The following NUP160 variants were observed in gnomAD, a reference collection of about 807,000 sequenced individuals.
The protein encoded by NUP160 is nucleoporin 160.
NUP160 carries 94 observed loss-of-function variants against 196.9 expected under a neutral mutation model. The observed-to-expected ratio is 0.48, with a 90% CI of 0.40 to 0.57. NUP160 has a LOEUF of 0.57. Among genes scored for constraint, NUP160 ranks in the 20% least tolerant of loss-of-function variants. NUP160 has a pLI of 0.00. For synonymous variants in NUP160, 605 were observed against 619.7 expected (o/e 0.98, Z 0.35); for missense variants, 1,638 against 1,748.3 (o/e 0.94, Z 1.13).
At chr11:47,799,873 T>C (rs1453241561) in intron 23 of NUP160, among the ~76,000 whole-genome samples, 1 of 152,196 alleles carries the variant, frequency 6.6e-6, no homozygotes, top group African/African-American at 2.4e-5. Context: ...TCTTATCTTC[T>C]AGTGACATCA....
intron 13 of NUP160, 94 bp from the exon 14 acceptor site, chr11:47,813,509 AG>A: frequency 1.3e-6 from 1 of 744,660 alleles, no homozygotes; most frequent in South Asian, 1.6e-5. Context: ...GGCAAACCCA[AG>A]TTGCAATACA....
chr11:47,835,381 T>C (rs552870757), intron 7 of NUP160, among the ~76,000 whole-genome samples: 1 of 152,334 alleles, frequency 6.6e-6, no homozygotes, highest in South Asian at 2.1e-4. Context: ...TTTCAGGAAT[T>C]CTGTTTTTTC....
intron 7 of NUP160, among the ~76,000 whole-genome samples, chr11:47,834,853 C>A (rs1852144091): frequency 1.3e-5 from 2 of 152,122 alleles, no homozygotes; most frequent in African/African-American, 4.8e-5. Flanking sequence ...ATGGCTTCCA[C>A]ATGGACAGAA....
At chr11:47,793,722 G>GTTTTTTTT (rs750497969) in intron 27 of NUP160, among the ~76,000 whole-genome samples, 3 of 87,688 alleles carry the variant, frequency 3.4e-5, no homozygotes, top group South Asian at 7.9e-4. Flanking sequence ...TAAGATATCT[G>GTTTTTTTT]TTTTTTTTTT....
At chr11:47,825,125 C>T (rs371485128) in intron 7 of NUP160, among the ~76,000 whole-genome samples, 3 of 151,886 alleles carry the variant, frequency 2.0e-5, no homozygotes, top group East Asian at 1.9e-4. Flanking sequence ...ATGAGCCAAC[C>T]GCGCCCAGCC....
chr11:47,788,064 C>T, intron 31 of NUP160, 118 bp downstream of exon 31: 2 of 906,588 alleles, frequency 2.2e-6, no homozygotes, highest in Non-Finnish European at 1.7e-6. Context: ...AAACAAAACA[C>T]TTCTTCAAAT....
At chr11:47,824,170 T>A (rs1366886046) in intron 7 of NUP160, among the ~76,000 whole-genome samples, 5 of 151,328 alleles carry the variant, frequency 3.3e-5, no homozygotes, top group African/African-American at 1.2e-4. Context: ...CCACTAGCAA[T>A]GTACAAGAGT....
At position 47,847,845 on chromosome 11, in the gene NUP160, T is replaced by TA. The variant is rs763997058; in HGVS notation, c.314+2dup. ...GGGGAGTTTGGCGAACCACAACACT[T>TA]ACCAATGAATGAACCTGTTTCTGGT... On this transcript the variant is annotated splice_region_variant and intron_variant, in intron 2 of 35. Transcript: ENST00000378460. 2.5e-6 allele frequency: 4 copies of TA among 1,605,206 alleles called. No individual in the cohort carries two copies. Among genetic ancestry groups the TA allele is most frequent in the South Asian group, 1.1e-5 (1 of 90,906 alleles).
exon 7 of NUP160, chr11:47,835,791 C>A: frequency 6.3e-7 from 1 of 1,590,520 alleles, no homozygotes; most frequent in South Asian, 1.2e-5. Context: ...ATGTCAGCTA[C>A]CATTAGGCAC....
At chr11:47,779,293 A>G (rs776535594) in intron 35 of NUP160, 99 bp from the exon 36 acceptor site, 1 of 723,448 alleles carries the variant, frequency 1.4e-6, no homozygotes. Flanking sequence ...ATTCCACCTT[A>G]TAAAGATGTT....
intron 11 of NUP160, among the ~76,000 whole-genome samples, chr11:47,816,355 T>C (rs1486317208): frequency 2.0e-5 from 3 of 152,162 alleles, no homozygotes; most frequent in Non-Finnish European, 4.4e-5. Flanking sequence ...TGAATAACTA[T>C]CACAAAAGCC....
At chr11:47,824,045 A>ATGTATATATATATATATATATATG (rs1555005035) in intron 7 of NUP160, among the ~76,000 whole-genome samples, 4 of 98,342 alleles carry the variant, frequency 4.1e-5, no homozygotes, top group Admixed American at 1.1e-4. Context: ...ATATATATAT[A>ATGTATATATATATATATATATATG]TATATATACA....
chr11:47,846,982 T>A (rs1191410969), intron 2 of NUP160, among the ~76,000 whole-genome samples: 1 of 152,180 alleles, frequency 6.6e-6, no homozygotes, highest in Non-Finnish European at 1.5e-5. Context: ...TAGTAACTCT[T>A]TAAAAATCTT....
intron 34 of NUP160, among the ~76,000 whole-genome samples, chr11:47,782,289 TAAAA>T (rs1164772188): frequency 3.8e-4 from 12 of 31,874 alleles, no homozygotes; most frequent in East Asian, 3.3e-3. Context: ...AAAACTCAGT[TAAAA>T]AAAAAAAAAA....
intron 31 of NUP160, among the ~76,000 whole-genome samples, chr11:47,787,862 C>G (rs1385315323): frequency 6.6e-6 from 1 of 152,088 alleles, no homozygotes; most frequent in African/African-American, 2.4e-5. Context: ...GGACTACAGG[C>G]GCCCGCCACC....
chr11:47,833,810 T>C (rs1435885858), intron 7 of NUP160, among the ~76,000 whole-genome samples: 1 of 151,540 alleles, frequency 6.6e-6, no homozygotes, highest in East Asian at 2.0e-4. Context: ...CAAGCTTTCC[T>C]GGGAAACAAC....
intron 33 of NUP160, 22 bp downstream of exon 33, chr11:47,784,900 G>T: frequency 6.5e-7 from 1 of 1,543,522 alleles, no homozygotes; most frequent in Non-Finnish European, 8.8e-7. Flanking sequence ...TTCTTACTCT[G>T]TACAAGTTAT....
intron 7 of NUP160, among the ~76,000 whole-genome samples, chr11:47,833,963 A>G (rs1485553204): frequency 6.6e-6 from 1 of 152,138 alleles, no homozygotes; most frequent in African/African-American, 2.4e-5. Flanking sequence ...TTTGCTTTGT[A>G]TCTTTTCACT....
chr11:47,784,981 T>C, exon 33 of NUP160: 1 of 1,604,898 alleles, frequency 6.2e-7, no homozygotes, highest in African/African-American at 1.3e-5. Context: ...AGCTTGTTGA[T>C]TACACAGTGG....
Sources: gnomAD v4.1 joint callset for allele counts (sites outside exome capture counted in the v4.1 genomes callset) on GRCh38, gnomAD v4.1.1 for gene constraint, MANE v1.5 for transcripts, NCBI Gene and HGNC (gene_info 2026-07-23, HGNC 2026-07-21) for gene names.